Variants in PTPRD observed in about 807,000 individuals in gnomAD.
The protein encoded by PTPRD is protein tyrosine phosphatase receptor type D, also known as receptor-type tyrosine-protein phosphatase delta.
A neutral mutation model predicts 214.5 loss-of-function variants in PTPRD; 34 were observed. The observed-to-expected ratio is 0.16, with a 90% CI of 0.12 to 0.21. The LOEUF is 0.21. Among genes scored for constraint, PTPRD ranks in the 10% least tolerant of loss-of-function variants. PTPRD has a pLI of 1.00. For missense variants in PTPRD, 2,545 were observed against 2,398.7 expected, an observed-to-expected ratio of 1.06 and a Z score of -1.27; for synonymous variants, 1,128 against 845.7, an observed-to-expected ratio of 1.33 and a Z score of -5.79.
chr9:9,567,322 T>C (rs1359215079), intron 8 of PTPRD, among the ~76,000 whole-genome samples: 1 of 151,882 alleles, frequency 6.6e-6, no homozygotes, highest in Non-Finnish European at 1.5e-5. Context: ...AGGCACCAGA[T>C]TGAGAGCAAA....
At chr9:8,476,441 G>C (rs904502199) in intron 30 of PTPRD, among the ~76,000 whole-genome samples, 1 of 152,078 alleles carries the variant, frequency 6.6e-6, no homozygotes, top group Non-Finnish European at 1.5e-5. Flanking sequence ...TGGCCCAGGG[G>C]TTGGAGATCT....
chr9:8,357,456 C>A (rs10976989), intron 39 of PTPRD, among the ~76,000 whole-genome samples: 82,504 of 151,926 alleles, frequency 0.54, 24,388 homozygotes, highest in Non-Finnish European at 0.67. Context: ...TGGACTGGAA[C>A]CCCTGAAGAG....
intron 39 of PTPRD, among the ~76,000 whole-genome samples, chr9:8,351,863 G>T (rs2075587576): frequency 6.6e-6 from 1 of 150,850 alleles, no homozygotes; most frequent in Non-Finnish European, 1.5e-5. Flanking sequence ...GATAAAGGAA[G>T]TTCACATTTC....
intron 3 of PTPRD, among the ~76,000 whole-genome samples, chr9:10,168,551 AT>A (rs1351069586): frequency 6.6e-6 from 1 of 152,224 alleles, no homozygotes; most frequent in African/African-American, 2.4e-5. Flanking sequence ...CAAGAACAGC[AT>A]CTTTTGTGCT....
chr9:8,521,644 T>G, intron 19 of PTPRD, 98 bp from the exon 20 acceptor site: 3 of 1,351,676 alleles, frequency 2.2e-6, no homozygotes, highest in Non-Finnish European at 3.0e-6. Context: ...ATTCAACAAT[T>G]GAAACATTGT....
rs12339853 is a variant in PTPRD, at chr9:8,455,456, C to A, written c.3875+4955G>T. Among the ~76,000 whole-genome samples the A allele has an allele frequency of 4.9e-3, 745 of 152,212 alleles. 8 individuals carry two copies. The highest frequency in any genetic ancestry group is 0.017 in the African/African-American group (717 of 41,550). On this transcript the variant is annotated intron_variant, in intron 33 of 45. Coordinates refer to ENST00000381196, the MANE Select transcript of PTPRD (RefSeq NM_002839.4). Reference sequence around the variant, plus strand: ...TAACCTTTTCCTGAAAACAATTAATCTAAAAATCTTCACTTTGAGGCAAAT... The same window carrying A: ...TAACCTTTTCCTGAAAACAATTAATATAAAAATCTTCACTTTGAGGCAAAT...
At chr9:9,810,045 T>A (rs895598663) in intron 5 of PTPRD, among the ~76,000 whole-genome samples, 2 of 145,628 alleles carry the variant, frequency 1.4e-5, no homozygotes, top group South Asian at 4.3e-4. Flanking sequence ...TGCCTACCCT[T>A]CCACCTCCCC....
chr9:8,501,399 T>A (rs1054976948), intron 23 of PTPRD, among the ~76,000 whole-genome samples: 1 of 152,154 alleles, frequency 6.6e-6, no homozygotes, highest in Non-Finnish European at 1.5e-5. Flanking sequence ...CCACCCCCAC[T>A]ATACTGACTA....
At chr9:9,915,503 T>G (rs1411188720) in intron 5 of PTPRD, among the ~76,000 whole-genome samples, 1 of 151,448 alleles carries the variant, frequency 6.6e-6, no homozygotes, top group Non-Finnish European at 1.5e-5. Context: ...CAACTCATGA[T>G]TTGAATGAGA....
At chr9:9,109,686 G>C (rs536599777) in intron 10 of PTPRD, among the ~76,000 whole-genome samples, 68 of 152,084 alleles carry the variant, frequency 4.5e-4, no homozygotes, top group Non-Finnish European at 7.8e-4. Context: ...TTGCAAGAAG[G>C]TTTGAGGCCT....
intron 12 of PTPRD, chr9:8,713,290 G>C: frequency 1.4e-6 from 1 of 699,240 alleles, no homozygotes; most frequent in Middle Eastern, 3.8e-4. Flanking sequence ...TGCGGGTGGC[G>C]GCGAGCGCGG....
At chr9:10,516,278 A>T (rs144261915) in intron 2 of PTPRD, among the ~76,000 whole-genome samples, 75 of 152,026 alleles carry the variant, frequency 4.9e-4, no homozygotes, top group African/African-American at 1.7e-3. Context: ...AACTGGCATG[A>T]GGTGATATCT....
At chr9:9,926,229 C>CA (rs1481325307) in intron 5 of PTPRD, among the ~76,000 whole-genome samples, 1 of 152,064 alleles carries the variant, frequency 6.6e-6, no homozygotes. Flanking sequence ...TCAGTATGAG[C>CA]AAAAGAAACA....
In PTPRD at chr9:9,875,836, A is replaced by G. The variant is rs994599637; in HGVS notation, c.-368+62671T>C. Reference sequence around the variant, plus strand: ...ATGTGATAAATATTAATTTATGTTAACTGATAAAAGTTAAAATACTATAAA... The same window carrying G: ...ATGTGATAAATATTAATTTATGTTAGCTGATAAAAGTTAAAATACTATAAA... On this transcript the variant is annotated intron_variant, in intron 5 of 45. Transcript: ENST00000381196. 2.6e-5 allele frequency among the ~76,000 whole-genome samples: 4 copies of G among 152,160 alleles called. No homozygotes were observed. In the East Asian group the frequency reaches 7.7e-4, roughly 29 times the overall value.
intron 14 of PTPRD, among the ~76,000 whole-genome samples, chr9:8,544,378 G>C (rs999411877): frequency 1.3e-5 from 2 of 150,854 alleles, no homozygotes; most frequent in Admixed American, 1.3e-4. Context: ...CAACGCACCC[G>C]GTCGCCATTA....
At chr9:9,623,770 CA>C (rs529208348) in intron 7 of PTPRD, among the ~76,000 whole-genome samples, 186 of 152,290 alleles carry the variant, frequency 1.2e-3, no homozygotes, top group African/African-American at 4.0e-3. Flanking sequence ...AAGCATTCCA[CA>C]ATACATTGAC....
At chr9:8,995,547 T>C (rs2099393435) in intron 11 of PTPRD, among the ~76,000 whole-genome samples, 1 of 151,884 alleles carries the variant, frequency 6.6e-6, no homozygotes, top group African/African-American at 2.4e-5. Flanking sequence ...TACAGAACTT[T>C]AGGATTTGAC....
At chr9:8,423,232 G>A (rs1207183714) in intron 35 of PTPRD, among the ~76,000 whole-genome samples, 7 of 152,184 alleles carry the variant, frequency 4.6e-5, no homozygotes, top group Middle Eastern at 3.4e-3. Context: ...TCGTCAATCC[G>A]GCTCAATAAG....
intron 39 of PTPRD, among the ~76,000 whole-genome samples, chr9:8,342,754 T>C (rs762818652): frequency 3.3e-5 from 5 of 152,060 alleles, no homozygotes; most frequent in Admixed American, 6.6e-5. Flanking sequence ...CTAAGTGAAA[T>C]AGGGGATACG....
Sources: gnomAD v4.1 joint callset for allele counts (sites outside exome capture counted in the v4.1 genomes callset) on GRCh38, gnomAD v4.1.1 for gene constraint, MANE v1.5 for transcripts, NCBI Gene and HGNC (gene_info 2026-07-23, HGNC 2026-07-21) for gene names.